Variants in STK32A observed in about 807,000 individuals in gnomAD.
The protein encoded by STK32A is serine/threonine kinase 32A.
In STK32A, 41 loss-of-function variants were observed where a neutral mutation model predicts 53.2. The observed-to-expected ratio is 0.77, with a 90% CI of 0.60 to 1.00. STK32A has a LOEUF of 1.00. Among genes scored for constraint, STK32A ranks in the 50% least tolerant of loss-of-function variants. The pLI is 0.00. For missense variants in STK32A, 458 were observed against 485.8 expected, an observed-to-expected ratio of 0.94 and a Z score of 0.54; for synonymous variants, 166 against 162.8, an observed-to-expected ratio of 1.02 and a Z score of -0.15.
chr5:147,330,675 A>G (rs545610478), intron 5 of STK32A, among the ~76,000 whole-genome samples: 203 of 152,288 alleles, frequency 1.3e-3, no homozygotes, highest in African/African-American at 3.3e-3. Flanking sequence ...TTTTATGTCT[A>G]AGATTCTAGG....
intron 4 of STK32A, among the ~76,000 whole-genome samples, chr5:147,302,572 G>A (rs1047653574): frequency 1.3e-5 from 2 of 152,046 alleles, no homozygotes; most frequent in Non-Finnish European, 2.9e-5. Context: ...AATTGTCATG[G>A]GGCCTTGGGC....
chr5:147,353,040 G>A (rs569321282), intron 7 of STK32A, among the ~76,000 whole-genome samples: 9 of 152,286 alleles, frequency 5.9e-5, no homozygotes, highest in Non-Finnish European at 8.8e-5. Flanking sequence ...AGCTCTTAGC[G>A]TAATTCCTCC....
chr5:147,275,940 GA>G (rs1185718772), intron 2 of STK32A, among the ~76,000 whole-genome samples: 1 of 152,158 alleles, frequency 6.6e-6, no homozygotes, highest in East Asian at 1.9e-4. Context: ...TATCAACATG[GA>G]ACTTCATGCT....
chr5:147,363,393 A>G (rs985666684), intron 8 of STK32A, among the ~76,000 whole-genome samples: 2 of 152,116 alleles, frequency 1.3e-5, no homozygotes, highest in African/African-American at 2.4e-5. Flanking sequence ...GTGGCTCTCT[A>G]CAAAGGCACT....
rs889219521 is a variant in STK32A, at chr5:147,387,450, A to C, written c.*3467A>C. 1 of 152,266 alleles carries C rather than the reference A, an allele frequency of 6.6e-6. No individual in the cohort carries two copies. Among genetic ancestry groups the C allele is most frequent in the Non-Finnish European group, 1.5e-5 (1 of 68,050 alleles). 9.4% of individuals were successfully genotyped at this position (152,266 alleles called of 1,614,324 possible). On this transcript the variant is annotated 3_prime_UTR_variant, in exon 13 of 13. Transcript: ENST00000397936. ...TGTTCTATTATCATAGCTTTTGTAG[A>C]TTGGATGGAAGAATAAGTAGGAAGA...
chr5:147,314,951 C>T (rs1343617084), intron 4 of STK32A, among the ~76,000 whole-genome samples: 1 of 151,912 alleles, frequency 6.6e-6, no homozygotes, highest in Non-Finnish European at 1.5e-5. Context: ...CACTATGTTG[C>T]CCAGGCTGGT....
intron 2 of STK32A, among the ~76,000 whole-genome samples, chr5:147,277,273 A>G (rs1751792584): frequency 6.6e-6 from 1 of 152,224 alleles, no homozygotes; most frequent in Non-Finnish European, 1.5e-5. Context: ...ACATTTTCTC[A>G]GTTATCAAGG....
At chr5:147,252,005 C>A (rs1310454887) in intron 2 of STK32A, among the ~76,000 whole-genome samples, 4 of 151,954 alleles carry the variant, frequency 2.6e-5, no homozygotes. Context: ...GAGTTCACAA[C>A]CAGCCTGGGC....
chr5:147,260,163 GTCTCTCTCTCTCTCTCCTCTCTCTCTCC>G (rs1561674854), intron 2 of STK32A, among the ~76,000 whole-genome samples: 5 of 42,112 alleles, frequency 1.2e-4, no homozygotes, highest in African/African-American at 2.9e-4. Flanking sequence ...TCTCCTCTCT[GTCTCTCTCTCTCTCTCCTCTCTCTCTCC>G]TCTCTCTCTC....
chr5:147,395,696 C>T, the STK32A span: 2 of 1,614,026 alleles, frequency 1.2e-6, no homozygotes, highest in Non-Finnish European at 1.7e-6. Context: ...GTACATGCCC[C>T]TTGGGACGGC....
intron 2 of STK32A, among the ~76,000 whole-genome samples, chr5:147,263,562 C>A (rs181441894): frequency 7.9e-5 from 12 of 151,896 alleles, no homozygotes; most frequent in Admixed American, 5.2e-4. Context: ...AAATAGATAC[C>A]AAGAAAATAG....
chr5:147,315,115 A>C (rs1753929746), intron 4 of STK32A, among the ~76,000 whole-genome samples: 1 of 152,202 alleles, frequency 6.6e-6, no homozygotes, highest in Admixed American at 6.5e-5. Flanking sequence ...GCCTTTGTAC[A>C]TTGATAGTGG....
At chr5:147,350,072 TAACACTCCA>T (rs1755887013) in intron 6 of STK32A, among the ~76,000 whole-genome samples, 1 of 149,456 alleles carries the variant, frequency 6.7e-6, no homozygotes, top group Non-Finnish European at 1.5e-5. Flanking sequence ...GAGCACACCA[TAACACTCCA>T]GCCTGGCAAC....
Position 147,386,849 on chromosome 5 carries a change from A to G in STK32A, c.*2866A>G, listed in dbSNP as rs1757660953. 6.6e-6 allele frequency: 1 copy of G among 152,198 alleles called. No individual in the cohort carries two copies. Among genetic ancestry groups the G allele is most frequent in the Non-Finnish European group, 1.5e-5 (1 of 68,044 alleles). The allele number at this position is 152,198 out of a possible 1,614,324, so 9.4% of individuals were successfully genotyped here. On this transcript the variant is annotated 3_prime_UTR_variant, in exon 13 of 13. Transcript: ENST00000397936. Reference sequence around the variant, plus strand: ...AACATGAGAACAAAAAACTTTTCCAAAATTTAAACTTTTCCTAAATCTTTG... The same window carrying G: ...AACATGAGAACAAAAAACTTTTCCAGAATTTAAACTTTTCCTAAATCTTTG...
chr5:147,287,346 T>G (rs1477582092), intron 4 of STK32A, among the ~76,000 whole-genome samples: 1 of 152,130 alleles, frequency 6.6e-6, no homozygotes, highest in Non-Finnish European at 1.5e-5. Context: ...TATTTAAATA[T>G]GCATACCAAG....
chr5:147,355,403 G>A (rs1041288450), intron 7 of STK32A, among the ~76,000 whole-genome samples: 4 of 152,006 alleles, frequency 2.6e-5, no homozygotes, highest in African/African-American at 7.3e-5. Context: ...GGCCGGGCGC[G>A]GTGGCTCACC....
At chr5:147,383,613 T>A (rs994796891) in intron 12 of STK32A, 108 bp downstream of exon 12, 1 of 1,015,340 alleles carries the variant, frequency 9.8e-7, no homozygotes, top group African/African-American at 1.7e-5. Context: ...TATTTTCTAA[T>A]TGGGAAAATG....
At chr5:147,271,942 G>A (rs1056881451) in intron 2 of STK32A, among the ~76,000 whole-genome samples, 5 of 152,086 alleles carry the variant, frequency 3.3e-5, no homozygotes, top group Non-Finnish European at 7.3e-5. Flanking sequence ...CGTGATCTCT[G>A]TGACCCACAC....
chr5:147,312,460 C>A (rs531163518), intron 4 of STK32A, among the ~76,000 whole-genome samples: 1 of 152,230 alleles, frequency 6.6e-6, no homozygotes, highest in Admixed American at 6.5e-5. Flanking sequence ...CTGTTTACTG[C>A]CCAAAAGAGC....
Sources: gnomAD v4.1 joint callset for allele counts (sites outside exome capture counted in the v4.1 genomes callset) on GRCh38, gnomAD v4.1.1 for gene constraint, MANE v1.5 for transcripts, NCBI Gene and HGNC (gene_info 2026-07-23, HGNC 2026-07-21) for gene names.